Variants in TSPO observed in about 807,000 individuals in gnomAD.
The protein encoded by TSPO is translocator protein.
Under a neutral mutation model 13.9 loss-of-function variants are expected in TSPO, and 14 were observed. That is an observed-to-expected ratio of 1.01 (90% CI 0.67 to 1.58). The LOEUF is 1.58. Among genes scored for constraint, TSPO ranks in the 40% most tolerant of loss-of-function variants. The pLI is 0.00. For missense variants in TSPO, 232 were observed against 229.6 expected (o/e 1.01, Z -0.07); for synonymous variants, 114 against 105.9 (o/e 1.08, Z -0.47).
At chr22:43,157,441 TC>T (rs1490430595) in intron 1 of TSPO, among the ~76,000 whole-genome samples, 1 of 151,904 alleles carries the variant, frequency 6.6e-6, no homozygotes, top group Admixed American at 6.6e-5. Context: ...GGGGTAACTG[TC>T]CCCATTCAAC....
rs1931361378 is a variant in TSPO, at chr22:43,159,393, T to C, written c.155T>C (p.Val52Ala). 1 of 1,537,188 alleles carries C rather than the reference T, an allele frequency of 6.5e-7. No homozygotes were observed. The highest frequency in any genetic ancestry group is 1.4e-5 in the African/African-American group (1 of 72,736). The stretch of plus-strand genomic sequence containing the variant: ...CCGCCCCACTGGGTGCTGGGCCCTG[T>C]CTGGGGCACGCTCTACTCAGCCATG... ...WHPPHWVLGP[V>A]WGTLYSAMGY... The change falls in exon 2 of 4, where the codon GTC becomes GCC. Residue 52 changes from valine (V) to alanine (A), a missense_variant. By Grantham distance (64) the Val-to-Ala change is moderately conservative. Transcript: ENST00000337554.
chr22:43,154,242 T>C (rs1931182047), intron 1 of TSPO, among the ~76,000 whole-genome samples: 1 of 152,148 alleles, frequency 6.6e-6, no homozygotes, highest in Admixed American at 6.6e-5. Context: ...GCTGGCTTCG[T>C]TGGAGAGACA....
chr22:43,157,251 A>G (rs867588665), intron 1 of TSPO, among the ~76,000 whole-genome samples: 3 of 132,364 alleles, frequency 2.3e-5, no homozygotes, highest in African/African-American at 6.6e-5. Context: ...CCCCATGAGC[A>G]CGTGTACCCT....
chr22:43,155,570 C>T (rs562765259), intron 1 of TSPO, among the ~76,000 whole-genome samples: 146 of 152,284 alleles, frequency 9.6e-4, no homozygotes, highest in African/African-American at 3.4e-3. Context: ...GGGCTAGTGG[C>T]CCCACACTGA....
chr22:43,155,677 C>T (rs1035939923), intron 1 of TSPO, among the ~76,000 whole-genome samples: 2 of 152,218 alleles, frequency 1.3e-5, no homozygotes, highest in Non-Finnish European at 2.9e-5. Context: ...GAAGCAGACA[C>T]AGCGGGTTTA....
Position 43,159,307 on chromosome 22 carries a change from C to G in TSPO, c.69C>G (p.Ser23=), listed in dbSNP as rs770801880. The G allele has an allele frequency of 8.4e-6, 13 of 1,551,320 alleles. No individual in the cohort carries two copies. Among genetic ancestry groups the G allele is most frequent in the Non-Finnish European group, 1.1e-5 (13 of 1,147,840 alleles). Residue 23 remains serine, a synonymous_variant, in exon 2 of 4, where the codon TCC becomes TCG. Coordinates refer to ENST00000337554, the MANE Select transcript of TSPO (RefSeq NM_000714.6). ...LAPSLGCFVG[S]RFVHGEGLRW... is the part of the protein sequence containing the mutation. ...CCAGCCTGGGGTGCTTCGTGGGCTC[C>G]CGCTTTGTCCACGGCGAGGGTCTCC...
intron 1 of TSPO, among the ~76,000 whole-genome samples, chr22:43,155,577 C>T (rs1241025052): frequency 2.6e-5 from 4 of 152,206 alleles, no homozygotes; most frequent in African/African-American, 9.7e-5. Context: ...TGGCCCCACA[C>T]TGATACCCAC....
chr22:43,163,046 A>G lies in TSPO; in HGVS notation c.*55A>G. On this transcript the variant is annotated 3_prime_UTR_variant, in exon 4 of 4. Coordinates refer to ENST00000337554, the MANE Select transcript of TSPO (RefSeq NM_000714.6). Reference sequence around the variant, plus strand: ...ACCAGCAGGTGCCATCACGCTTGTGATGTGGTGGCCGTCACGCTTTCATGA... The same window carrying G: ...ACCAGCAGGTGCCATCACGCTTGTGGTGTGGTGGCCGTCACGCTTTCATGA... 1.3e-6 allele frequency: 2 copies of G among 1,567,860 alleles called. No homozygotes were observed. Among genetic ancestry groups the G allele is most frequent in the Non-Finnish European group, 1.7e-6 (2 of 1,156,794 alleles).
At chr22:43,158,231 T>A (rs192646388) in intron 1 of TSPO, among the ~76,000 whole-genome samples, 19 of 152,358 alleles carry the variant, frequency 1.2e-4, no homozygotes, top group African/African-American at 4.3e-4. Flanking sequence ...GTATTCTTCC[T>A]GTGGCATCTC....
chr22:43,159,761 C>T (rs905085438), intron 2 of TSPO: 2 of 251,408 alleles, frequency 8.0e-6, no homozygotes, highest in Non-Finnish European at 1.5e-5. Flanking sequence ...AGAGCAGCTC[C>T]TTTGTTGAAC....
chr22:43,158,705 G>A (rs1005149943), intron 1 of TSPO, among the ~76,000 whole-genome samples: 2 of 152,316 alleles, frequency 1.3e-5, no homozygotes, highest in East Asian at 1.9e-4. Context: ...CCACTCTACC[G>A]AGGGGGAAAC....
In TSPO at chr22:43,152,523, C is replaced by T. The variant is rs562311458; in HGVS notation, c.-30+919C>T. ...TACTGCCAGAACAGTGGGCGAGGCC[C>T]GGCGTCTCTGTGGAGTCGGTGGGGC... On this transcript the variant is annotated intron_variant, in intron 1 of 3. Coordinates refer to ENST00000337554, the MANE Select transcript of TSPO (RefSeq NM_000714.6). Among the ~76,000 whole-genome samples, 12 of 152,378 alleles carry T rather than the reference C, an allele frequency of 7.9e-5. No homozygotes were observed. The East Asian group carries it at 1.2e-3, about 15-fold the overall frequency.
chr22:43,162,854 G>A lies in TSPO; in HGVS notation c.373G>A (p.Ala125Thr), dbSNP rs1428973263. 4 of 1,585,044 alleles carry A rather than the reference G, an allele frequency of 2.5e-6. No homozygotes were observed. The highest frequency in any genetic ancestry group is 3.4e-6 in the Non-Finnish European group (4 of 1,166,806). Residue 125 changes from alanine to threonine, a missense_variant, in exon 4 of 4, where the codon GCC becomes ACC. Transcript: ENST00000337554. Reference protein sequence around the residue: ...VSGAAAATTVAWYQVSPLAAR... With the variant: ...VSGAAAATTVTWYQVSPLAAR... The stretch of plus-strand genomic sequence containing the variant: ...TGGGGCGGCGGCAGCCACTACCGTG[G>A]CCTGGTACCAGGTGAGCCCGCTGGC...
chr22:43,161,007 T>C, intron 2 of TSPO, 45 bp from the exon 3 acceptor site: 1 of 1,583,766 alleles, frequency 6.3e-7, no homozygotes, highest in South Asian at 1.1e-5. Flanking sequence ...GCAACGCTCC[T>C]GGCCTTGTTC....
intron 1 of TSPO, among the ~76,000 whole-genome samples, chr22:43,152,934 T>C (rs1569478076): frequency 1.3e-5 from 2 of 151,336 alleles, no homozygotes; most frequent in Non-Finnish European, 3.0e-5. Context: ...CAGCGGGTTC[T>C]CCAGCTGGGG....
intron 3 of TSPO, among the ~76,000 whole-genome samples, chr22:43,162,254 T>C (rs1931465478): frequency 6.6e-6 from 1 of 152,190 alleles, no homozygotes; most frequent in African/African-American, 2.4e-5. Context: ...CCTGAGTAGC[T>C]GGGACTACAG....
Position 43,162,884 on chromosome 22 carries a change from C to T in TSPO, c.403C>T (p.Arg135Cys), listed in dbSNP as rs775344095. The change falls in exon 4 of 4, where the codon CGC becomes TGC. Residue 135 changes from arginine to cysteine, a missense_variant. Arg to Cys is a radical substitution (Grantham distance 180). Transcript: ENST00000337554. ...GTACCAGGTGAGCCCGCTGGCCGCC[C>T]GCCTGCTCTACCCCTACCTGGCCTG... Reference protein sequence around the residue: ...AWYQVSPLAARLLYPYLAWLA... With the variant: ...AWYQVSPLAACLLYPYLAWLA... The T allele has an allele frequency of 1.1e-5, 17 of 1,581,222 alleles. No individual in the cohort carries two copies. Among genetic ancestry groups the T allele is most frequent in the Middle Eastern group, 1.8e-4 (1 of 5,710 alleles).
chr22:43,153,861 G>A (rs1931169560), intron 1 of TSPO, among the ~76,000 whole-genome samples: 1 of 152,056 alleles, frequency 6.6e-6, no homozygotes, highest in Non-Finnish European at 1.5e-5. Flanking sequence ...TGGGCTCACT[G>A]CAACCTCCGC....
At chr22:43,153,815 G>A (rs571119344) in intron 1 of TSPO, among the ~76,000 whole-genome samples, 5 of 151,362 alleles carry the variant, frequency 3.3e-5, no homozygotes, top group African/African-American at 1.2e-4. Flanking sequence ...ACGGTGTCTC[G>A]CTCCATTGCC....
Sources: allele counts gnomAD v4.1 joint callset (sites outside exome capture counted in the v4.1 genomes callset), GRCh38; gene constraint gnomAD v4.1.1; transcripts MANE v1.5; gene names NCBI Gene and HGNC (gene_info 2026-07-23, HGNC 2026-07-21).